Variants in BAIAP2L1 observed in about 807,000 individuals in gnomAD.
The protein encoded by BAIAP2L1 is BAR/IMD domain-containing adapter protein 2-like 1.
In BAIAP2L1, 35 loss-of-function variants were observed where a neutral mutation model predicts 66.3. The ratio of observed to expected loss-of-function variants is 0.53; its 90% CI spans 0.40 to 0.70. BAIAP2L1 has a LOEUF of 0.70. Ranked by LOEUF, BAIAP2L1 falls within the 30% of genes least tolerant of loss-of-function variation. BAIAP2L1 has a pLI of 0.00. For synonymous variants in BAIAP2L1, 269 were observed against 248.7 expected (o/e 1.08, Z -0.77); for missense variants, 622 against 656.9 (o/e 0.95, Z 0.58).
rs1800898548 is a variant in BAIAP2L1 at position 98,312,158 on chromosome 7, G to A, written c.746C>T (p.Pro249Leu). 2.5e-6 allele frequency: 4 copies of A among 1,613,860 alleles called. No individual in the cohort carries two copies. Among genetic ancestry groups the A allele is most frequent in the Non-Finnish European group, 3.4e-6 (4 of 1,179,968 alleles). Reference sequence around the variant, plus strand: ...AGTTCCAGACACGGGGGTAGAGGCTGGGGTCTTTATTTCTTCGATCATATT... The same window carrying A: ...AGTTCCAGACACGGGGGTAGAGGCTAGGGTCTTTATTTCTTCGATCATATT... Reference protein sequence around the residue: ...IMNMIEEIKTPASTPVSGTPQ... With the variant: ...IMNMIEEIKTLASTPVSGTPQ... The change falls in exon 8 of 14, where the codon CCA becomes CTA. Residue 249 changes from proline (P) to leucine (L), a missense_variant. Pro to Leu is a moderately conservative substitution (Grantham distance 98). Transcript: ENST00000005260.
chr7:98,369,441 G>T (rs1802460232), intron 1 of BAIAP2L1, among the ~76,000 whole-genome samples: 1 of 152,096 alleles, frequency 6.6e-6, no homozygotes, highest in African/African-American at 2.4e-5. Context: ...TCGTGCCGCT[G>T]CACTCCAGCC....
intron 1 of BAIAP2L1, among the ~76,000 whole-genome samples, chr7:98,377,408 C>T (rs1337767276): frequency 6.6e-6 from 1 of 152,178 alleles, no homozygotes; most frequent in African/African-American, 2.4e-5. Context: ...CAACTGTAGC[C>T]ATTTCCATGC....
chr7:98,376,865 C>G (rs573285354), intron 1 of BAIAP2L1, among the ~76,000 whole-genome samples: 23 of 152,032 alleles, frequency 1.5e-4, no homozygotes, highest in South Asian at 2.1e-4. Flanking sequence ...TAATCTAACA[C>G]GGTGTTGTCT....
rs957963325 is a variant in BAIAP2L1 at position 98,393,160 on chromosome 7, CAT to C, written c.51+7640_51+7641del. On this transcript the variant is annotated intron_variant, in intron 1 of 13. Coordinates refer to ENST00000005260, the MANE Select transcript of BAIAP2L1 (RefSeq NM_018842.5). ...ACATATGTGTACATATATATGTACA[CAT>C]ATATGTATATATATACATATATGTG... is the stretch of plus-strand genomic sequence containing the variant. Among the ~76,000 whole-genome samples the C allele has an allele frequency of 2.0e-4, 12 of 60,610 alleles. 1 individual carries two copies. The East Asian group carries it at 2.8e-3, about 14-fold the overall frequency. 39.8% of individuals were successfully genotyped at this position (60,610 alleles called of 152,430 possible).
rs3801248 is a variant in BAIAP2L1 at position 98,399,763 on chromosome 7, G to A, written c.51+1039C>T. On this transcript the variant is annotated intron_variant, in intron 1 of 13. Coordinates refer to ENST00000005260, the MANE Select transcript of BAIAP2L1 (RefSeq NM_018842.5). ...CCACTAATCCTAAGTCTCTGTCTGT[G>A]TCTGGAAAAATTCTCTCCTAATACA... is the stretch of plus-strand genomic sequence containing the variant. Among the ~76,000 whole-genome samples, 58 of 152,328 alleles carry A rather than the reference G, an allele frequency of 3.8e-4. 2 individuals are homozygous for A. In the East Asian group the frequency reaches 0.011, roughly 29 times the overall value.
chr7:98,306,792 C>T (rs1403249223), intron 10 of BAIAP2L1: 5 of 428,156 alleles, frequency 1.2e-5, no homozygotes, highest in African/African-American at 2.0e-5. Context: ...ACAGCAGCCT[C>T]GAACTCATGG....
At chr7:98,319,812 AAGTGCTGGGAT>A (rs1342751147) in intron 5 of BAIAP2L1, among the ~76,000 whole-genome samples, 3 of 152,150 alleles carry the variant, frequency 2.0e-5, no homozygotes, top group Non-Finnish European at 2.9e-5. Flanking sequence ...TGGCCTCCCA[AAGTGCTGGGAT>A]TACAGGCATG....
At chr7:98,380,608 T>G (rs1802732063) in intron 1 of BAIAP2L1, among the ~76,000 whole-genome samples, 1 of 151,694 alleles carries the variant, frequency 6.6e-6, no homozygotes, top group African/African-American at 2.4e-5. Context: ...AAAATGAGAT[T>G]CGGGTGGGGA....
At position 98,315,623 on chromosome 7, in the gene BAIAP2L1, A is replaced by ATACT; in HGVS notation, c.487-12_487-11insAGTA. The ATACT allele has an allele frequency of 8.3e-7, 1 of 1,207,740 alleles. No individual in the cohort carries two copies. Among genetic ancestry groups the ATACT allele is most frequent in the Non-Finnish European group, 1.1e-6 (1 of 924,974 alleles). The allele number at this position is 1,207,740 out of a possible 1,614,324, so 74.8% of individuals were successfully genotyped here. A position where few individuals can be genotyped will look rare whatever the true frequency, so the allele number is the denominator to read the frequency against. ...AACGGTCTCCACATACTAAAAAAAA[A>ATACT]AAAATAATAATAATAATAATTATAT... On this transcript the variant is annotated splice_polypyrimidine_tract_variant and intron_variant, in intron 6 of 13. Transcript: ENST00000005260.
chr7:98,351,918 G>A (rs1802009545), intron 3 of BAIAP2L1, among the ~76,000 whole-genome samples: 2 of 152,272 alleles, frequency 1.3e-5, no homozygotes, highest in Admixed American at 1.3e-4. Flanking sequence ...TGAACGTTTT[G>A]AAATGATTCA....
chr7:98,361,811 T>C (rs142569317), intron 2 of BAIAP2L1, among the ~76,000 whole-genome samples: 113 of 152,184 alleles, frequency 7.4e-4, no homozygotes, highest in African/African-American at 2.5e-3. Context: ...TCACAGCTCA[T>C]TACAGCCTCA....
intron 8 of BAIAP2L1, 94 bp from the exon 9 acceptor site, chr7:98,310,686 C>CTATATATTTATT: frequency 1.2e-6 from 1 of 804,100 alleles, no homozygotes; most frequent in Non-Finnish European, 1.8e-6. Context: ...AAATAATAGG[C>CTATATATTTATT]TATTTATTTA....
intron 1 of BAIAP2L1, among the ~76,000 whole-genome samples, chr7:98,371,870 C>T (rs1802517809): frequency 6.6e-6 from 1 of 151,780 alleles, no homozygotes; most frequent in Non-Finnish European, 1.5e-5. Context: ...TCTCGGCTCA[C>T]TGCAAGCTCC....
At position 98,292,538 on chromosome 7, in the gene BAIAP2L1, C is replaced by T. The variant is rs1410462967; in HGVS notation, c.*983G>A. 1 of 1,163,946 alleles carries T rather than the reference C, an allele frequency of 8.6e-7. No individual in the cohort carries two copies. The highest frequency in any genetic ancestry group is 1.2e-6 in the Non-Finnish European group (1 of 801,348). The allele number at this position is 1,163,946 out of a possible 1,614,324, so 72.1% of individuals were successfully genotyped here. A position where few individuals can be genotyped will look rare whatever the true frequency, so the allele number is the denominator to read the frequency against. ...TGGCAGCCAAAGATGATTTCCAGCC[C>T]CGGGCTCAGGGCAGCCAGTGCGTAG... is the stretch of plus-strand genomic sequence containing the variant. On this transcript the variant is annotated 3_prime_UTR_variant, in exon 14 of 14. Transcript: ENST00000005260.
chr7:98,345,142 C>A (rs74926043), intron 3 of BAIAP2L1, among the ~76,000 whole-genome samples: 1 of 151,878 alleles, frequency 6.6e-6, no homozygotes, highest in Non-Finnish European at 1.5e-5. Context: ...TTTAAAGACA[C>A]AAAAAAATTT....
In BAIAP2L1 at chr7:98,308,147, T is replaced by C; in HGVS notation, c.956-251A>G. The C allele has an allele frequency of 3.2e-6, 2 of 628,388 alleles. 1 individual carries two copies. The highest frequency in any genetic ancestry group is 3.0e-5 in the South Asian group (2 of 66,090). 38.9% of individuals were successfully genotyped at this position (628,388 alleles called of 1,614,324 possible). Reference sequence around the variant, plus strand: ...GAGGATCCCTGCGGCTGCGGGCTCTTTTCCAGGCCCAAGGACAAGGCGGTG... The same window carrying C: ...GAGGATCCCTGCGGCTGCGGGCTCTCTTCCAGGCCCAAGGACAAGGCGGTG... On this transcript the variant is annotated intron_variant, in intron 9 of 13. Coordinates refer to ENST00000005260, the MANE Select transcript of BAIAP2L1 (RefSeq NM_018842.5).
chr7:98,388,612 T>C (rs147828002), intron 1 of BAIAP2L1, among the ~76,000 whole-genome samples: 233 of 152,362 alleles, frequency 1.5e-3, no homozygotes, highest in African/African-American at 5.4e-3. Flanking sequence ...TGATGTCCTG[T>C]ATCTTAAGCT....
At chr7:98,322,150 A>G (rs1801267013) in intron 3 of BAIAP2L1, among the ~76,000 whole-genome samples, 2 of 152,052 alleles carry the variant, frequency 1.3e-5, no homozygotes, top group Admixed American at 6.6e-5. Context: ...CAGGGGAGGA[A>G]TCGGAATGAG....
At chr7:98,299,971 G>A (rs1484505935) in intron 12 of BAIAP2L1, among the ~76,000 whole-genome samples, 1 of 152,222 alleles carries the variant, frequency 6.6e-6, no homozygotes, top group Admixed American at 6.5e-5. Flanking sequence ...AGCCCGGGAA[G>A]TGGAGGTTGC....
Sources: allele counts gnomAD v4.1 joint callset (sites outside exome capture counted in the v4.1 genomes callset), GRCh38; gene constraint gnomAD v4.1.1; transcripts MANE v1.5; gene names NCBI Gene and HGNC (gene_info 2026-07-23, HGNC 2026-07-21).